DLGAP2: variants seen among roughly 807,000 people sequenced by gnomAD.
DLGAP2 encodes disks large-associated protein 2.
Under a neutral mutation model 100.3 loss-of-function variants are expected in DLGAP2, and 26 were observed. That is an observed-to-expected ratio of 0.26 (90% CI 0.19 to 0.36). The LOEUF (loss-of-function observed/expected upper bound fraction) is 0.36, where lower values mean the gene tolerates loss of function less well. Ranked by LOEUF, DLGAP2 falls within the 10% of genes least tolerant of loss-of-function variation. DLGAP2 has a pLI of 1.00. For synonymous variants in DLGAP2, 886 were observed against 630.1 expected (o/e 1.41, Z -6.08); for missense variants, 1,858 against 1,453.2 (o/e 1.28, Z -4.53).
chr8:1,536,605 C>G (rs1358643154), intron 4 of DLGAP2, among the ~76,000 whole-genome samples: 1 of 152,106 alleles, frequency 6.6e-6, no homozygotes, highest in Non-Finnish European at 1.5e-5. Context: ...TGGGGCCAGC[C>G]CTGCATCCTG....
chr8:1,343,372 C>G (rs1801463448), intron 3 of DLGAP2, among the ~76,000 whole-genome samples: 1 of 152,136 alleles, frequency 6.6e-6, no homozygotes, highest in African/African-American at 2.4e-5. Context: ...ACACGGCCAA[C>G]CGGAGTTGCC....
chr8:1,500,787 T>G (rs150074667), intron 3 of DLGAP2, among the ~76,000 whole-genome samples: 1 of 152,258 alleles, frequency 6.6e-6, no homozygotes, highest in Admixed American at 6.5e-5. Flanking sequence ...GGAAAATCAA[T>G]GCCAGTGACC....
chr8:1,439,281 A>AGGG (rs1179111012), intron 3 of DLGAP2, among the ~76,000 whole-genome samples: 1 of 152,192 alleles, frequency 6.6e-6, no homozygotes, highest in Non-Finnish European at 1.5e-5. Context: ...GGAAGAGGGA[A>AGGG]GGGAAGGAGG....
chr8:1,506,609 G>A (rs1054338390), intron 4 of DLGAP2, among the ~76,000 whole-genome samples: 2 of 152,198 alleles, frequency 1.3e-5, no homozygotes, highest in South Asian at 4.1e-4. Flanking sequence ...ATCTCAGCAG[G>A]TTGCCAGTGC....
chr8:1,248,716 A>T (rs1798970489), intron 2 of DLGAP2: 1 of 146,486 alleles, frequency 6.8e-6, no homozygotes, highest in Non-Finnish European at 1.5e-5. Flanking sequence ...CATAGGAGAG[A>T]GGGAGTGGCG....
intron 1 of DLGAP2, among the ~76,000 whole-genome samples, chr8:834,276 C>A (rs181453512): frequency 6.6e-6 from 1 of 152,208 alleles, no homozygotes; most frequent in African/African-American, 2.4e-5. Context: ...TGGGGCAGAG[C>A]CAGTCCTGTA....
intron 3 of DLGAP2, among the ~76,000 whole-genome samples, chr8:1,308,239 G>C (rs1415999069): frequency 6.6e-6 from 1 of 152,186 alleles, no homozygotes; most frequent in Admixed American, 6.5e-5. Context: ...TGTAGCTCTT[G>C]GCATTTAATG....
chr8:1,564,533 T>G (rs1802317756), intron 5 of DLGAP2, among the ~76,000 whole-genome samples: 1 of 152,224 alleles, frequency 6.6e-6, no homozygotes, highest in Non-Finnish European at 1.5e-5. Context: ...CTCAGCTCTG[T>G]GCAAGGCAGA....
At chr8:1,462,853 T>C (rs1360973768) in intron 3 of DLGAP2, among the ~76,000 whole-genome samples, 1 of 152,262 alleles carries the variant, frequency 6.6e-6, no homozygotes, top group Non-Finnish European at 1.5e-5. Flanking sequence ...AGGATCTATT[T>C]TATCTGAAAC....
Position 1,196,922 on chromosome 8 carries a change from G to T in DLGAP2, c.74-61929G>T, listed in dbSNP as rs938855084. Among the ~76,000 whole-genome samples the T allele has an allele frequency of 2.6e-5, 4 of 152,286 alleles. No individual in the cohort carries two copies. In the South Asian group the frequency reaches 6.2e-4, roughly 24 times the overall value. ...GGAATTGGTCGCTGTGATTATGGGG[G>T]CTGAGAGGTCCCACTATTGTCCATC... On this transcript the variant is annotated intron_variant, in intron 2 of 14. Coordinates refer to ENST00000637795, the MANE Select transcript of DLGAP2 (RefSeq NM_001346810.2).
intron 2 of DLGAP2, among the ~76,000 whole-genome samples, chr8:1,227,915 A>G (rs887056816): frequency 6.6e-6 from 1 of 152,218 alleles, no homozygotes; most frequent in Non-Finnish European, 1.5e-5. Context: ...CTTGCTATAC[A>G]CACACAAAAT....
At position 1,231,799 on chromosome 8, in the gene DLGAP2, C is replaced by T. The variant is rs377720787; in HGVS notation, c.74-27052C>T. On this transcript the variant is annotated intron_variant, in intron 2 of 14. Transcript: ENST00000637795. Reference sequence around the variant, plus strand: ...GATGGCAACAGTAGACCCTGGGGGCCGCTAGAGGAGGAAGGAAGGGCGGGA... The same window carrying T: ...GATGGCAACAGTAGACCCTGGGGGCTGCTAGAGGAGGAAGGAAGGGCGGGA... Among the ~76,000 whole-genome samples the T allele has an allele frequency of 1.3e-4, 20 of 152,056 alleles. 2 individuals carry two copies. The highest frequency in any genetic ancestry group is 1.9e-4 in the East Asian group (1 of 5,166).
intron 2 of DLGAP2, among the ~76,000 whole-genome samples, chr8:945,223 A>C (rs2129006183): frequency 6.6e-6 from 1 of 152,260 alleles, no homozygotes; most frequent in African/African-American, 2.4e-5. Context: ...AATCCAAGGC[A>C]CCAGCAGCTG....
At chr8:1,049,231 G>A (rs927919505) in intron 2 of DLGAP2, among the ~76,000 whole-genome samples, 2 of 152,266 alleles carry the variant, frequency 1.3e-5, no homozygotes, top group South Asian at 4.1e-4. Context: ...TAATGAAATG[G>A]CAAGTTTTAT....
At chr8:1,292,332 A>G (rs1270057884) in intron 3 of DLGAP2, among the ~76,000 whole-genome samples, 2 of 152,162 alleles carry the variant, frequency 1.3e-5, no homozygotes, top group Admixed American at 1.3e-4. Flanking sequence ...GTGGTCTGAC[A>G]TCCTGTGGAT....
At chr8:1,525,191 CTTT>C (rs56358216) in intron 4 of DLGAP2, among the ~76,000 whole-genome samples, 4,401 of 103,612 alleles carry the variant, frequency 0.042, 78 homozygotes, top group African/African-American at 0.061. Context: ...ACTCTGATGT[CTTT>C]TTTTTTTTTT....
intron 2 of DLGAP2, among the ~76,000 whole-genome samples, chr8:1,037,770 T>TG (rs1252628063): frequency 6.6e-6 from 1 of 152,192 alleles, no homozygotes; most frequent in African/African-American, 2.4e-5. Flanking sequence ...CCAAGCAGGC[T>TG]GGTTCCCTCT....
intron 2 of DLGAP2, among the ~76,000 whole-genome samples, chr8:1,172,131 C>G (rs1018128334): frequency 2.6e-5 from 4 of 151,376 alleles, no homozygotes; most frequent in African/African-American, 4.8e-5. Context: ...TTTATTTCTC[C>G]TTCACTTATG....
intron 8 of DLGAP2, among the ~76,000 whole-genome samples, chr8:1,661,668 C>T (rs1156238794): frequency 1.3e-5 from 2 of 152,148 alleles, no homozygotes; most frequent in South Asian, 2.1e-4. Flanking sequence ...TCTTTGGTCT[C>T]ATTGTCTAGA....
Sources: gnomAD v4.1 joint callset for allele counts (sites outside exome capture counted in the v4.1 genomes callset) on GRCh38, gnomAD v4.1.1 for gene constraint, MANE v1.5 for transcripts, NCBI Gene and HGNC (gene_info 2026-07-23, HGNC 2026-07-21) for gene names.